PIGN: variants seen among roughly 807,000 people sequenced by gnomAD.
PIGN encodes the protein phosphatidylinositol glycan anchor biosynthesis class N.
Under a neutral mutation model 125.4 loss-of-function variants are expected in PIGN, and 117 were observed. The ratio of observed to expected loss-of-function variants is 0.93; its 90% CI spans 0.80 to 1.09. The LOEUF (loss-of-function observed/expected upper bound fraction) is 1.09, where lower values mean the gene tolerates loss of function less well. Ranked by LOEUF, PIGN falls within the 50% of genes least tolerant of loss-of-function variation. PIGN has a pLI of 0.00. For missense variants in PIGN, 1,075 were observed against 1,094.9 expected, an observed-to-expected ratio of 0.98 and a Z score of 0.26; for synonymous variants, 392 against 377.8, an observed-to-expected ratio of 1.04 and a Z score of -0.44.
chr18:62,059,425 G>T (rs1188632000), intron 30 of PIGN, among the ~76,000 whole-genome samples: 3 of 151,956 alleles, frequency 2.0e-5, no homozygotes, highest in Non-Finnish European at 2.9e-5. Flanking sequence ...TTATAGAAAG[G>T]ATAAACAGAA....
chr18:62,068,392 C>G (rs949744910), intron 30 of PIGN, among the ~76,000 whole-genome samples: 7 of 152,172 alleles, frequency 4.6e-5, no homozygotes, highest in Admixed American at 4.6e-4. Context: ...TATCTATCTT[C>G]TAGAAATTTG....
chr18:62,077,396 AC>A (rs2033228944), intron 28 of PIGN, among the ~76,000 whole-genome samples: 1 of 152,080 alleles, frequency 6.6e-6, no homozygotes, highest in African/African-American at 2.4e-5. Context: ...AAACAAACAA[AC>A]AAAACCTTTA....
intron 30 of PIGN, among the ~76,000 whole-genome samples, chr18:62,050,604 A>C (rs1053631087): frequency 3.8e-4 from 57 of 151,752 alleles, no homozygotes; most frequent in African/African-American, 1.4e-3. Context: ...TTTTGGGCTG[A>C]GACAGTGGGG....
intron 14 of PIGN, among the ~76,000 whole-genome samples, chr18:62,129,649 T>C (rs1056398269): frequency 2.0e-5 from 3 of 151,856 alleles, no homozygotes; most frequent in African/African-American, 7.3e-5. Context: ...ATGTTCCCAT[T>C]AGACTTTGTG....
intron 30 of PIGN, among the ~76,000 whole-genome samples, chr18:62,068,098 C>CTTTGTTTG (rs3838901): frequency 2.0e-5 from 3 of 151,216 alleles, no homozygotes; most frequent in South Asian, 2.1e-4. Context: ...CCTCCCAGGT[C>CTTTGTTTG]TTTGTTTGTT....
In PIGN at chr18:62,043,023, G is replaced by A. The variant is rs1032360620; in HGVS notation, c.*2833C>T. On this transcript the variant is annotated 3_prime_UTR_variant, in exon 31 of 31. Transcript: ENST00000640252. ...AGCACACAGCATAACAATCATTAATGCTTTGAAGCATTTTAAAAACAGTAA... is the reference window on the plus strand; with the variant it reads ...AGCACACAGCATAACAATCATTAATACTTTGAAGCATTTTAAAAACAGTAA... The A allele has an allele frequency of 3.8e-4, 58 of 151,964 alleles. No individual in the cohort carries two copies. Among genetic ancestry groups the A allele is most frequent in the African/African-American group, 1.4e-3 (56 of 41,372 alleles). The allele number at this position is 151,964 out of a possible 1,614,324, so 9.4% of individuals were successfully genotyped here. A position where few individuals can be genotyped will look rare whatever the true frequency, so the allele number is the denominator to read the frequency against.
chr18:62,145,011 G>C (rs568102317), intron 10 of PIGN, among the ~76,000 whole-genome samples: 285 of 4,514 alleles, frequency 0.063, 1 homozygote, highest in African/African-American at 0.2. Context: ...AAACTGGCGG[G>C]GGGGGGGGGG....
intron 1 of PIGN, among the ~76,000 whole-genome samples, chr18:62,166,807 A>C (rs1413272573): frequency 6.6e-6 from 1 of 152,228 alleles, no homozygotes; most frequent in Non-Finnish European, 1.5e-5. Context: ...ACAGGAACAC[A>C]AAAACAAATA....
chr18:62,184,979 C>G (rs1426231680), intron 1 of PIGN, among the ~76,000 whole-genome samples: 2 of 152,182 alleles, frequency 1.3e-5, no homozygotes, highest in Admixed American at 1.3e-4. Flanking sequence ...AGTTAGGTAA[C>G]TTTTTCAAGG....
chr18:62,052,346 T>G (rs2145165108), intron 30 of PIGN: 1 of 151,152 alleles, frequency 6.6e-6, no homozygotes, highest in Admixed American at 6.6e-5. Flanking sequence ...TAAGTCTCTT[T>G]GTAGGTCACT....
intron 30 of PIGN, among the ~76,000 whole-genome samples, chr18:62,063,659 T>A (rs1368905200): frequency 6.7e-6 from 1 of 149,020 alleles, no homozygotes; most frequent in Non-Finnish European, 1.5e-5. Flanking sequence ...AGGTATAATT[T>A]CAATTAGGGG....
In PIGN at chr18:62,055,590, A is replaced by C. The variant is rs569612808; in HGVS notation, c.2673-9611T>G. 3.9e-5 allele frequency among the ~76,000 whole-genome samples: 6 copies of C among 152,306 alleles called. No homozygotes were observed. The South Asian group carries it at 1.2e-3, about 32-fold the overall frequency. ...GTCTTTTGACAGTTTCAATGTCAAC[A>C]TCCTGGTTTTACTATATGTTATACT... On this transcript the variant is annotated intron_variant, in intron 30 of 30. Transcript: ENST00000640252.
intron 14 of PIGN, among the ~76,000 whole-genome samples, chr18:62,122,610 T>C (rs1285530650): frequency 6.6e-6 from 1 of 152,136 alleles, no homozygotes; most frequent in African/African-American, 2.4e-5. Flanking sequence ...AACTACATAA[T>C]TTAATATGGT....
At chr18:62,132,723 A>G (rs550316482) in intron 14 of PIGN, among the ~76,000 whole-genome samples, 1 of 152,146 alleles carries the variant, frequency 6.6e-6, no homozygotes, top group Non-Finnish European at 1.5e-5. Flanking sequence ...ATGCTAGCTA[A>G]TATCTTTTCC....
chr18:62,110,391 C>A (rs1236443545), intron 16 of PIGN, among the ~76,000 whole-genome samples: 1 of 152,150 alleles, frequency 6.6e-6, no homozygotes, highest in Non-Finnish European at 1.5e-5. Context: ...TCTATTCAAG[C>A]TCCAATGTGA....
chr18:62,138,062 A>G, intron 14 of PIGN, 181 bp downstream of exon 14: 1 of 812,468 alleles, frequency 1.2e-6, no homozygotes, highest in Non-Finnish European at 1.9e-6. Flanking sequence ...ATTCAAAGTT[A>G]TCTAGCACCT....
At chr18:62,123,875 C>A (rs62095335) in intron 14 of PIGN, among the ~76,000 whole-genome samples, 25,642 of 151,474 alleles carry the variant, frequency 0.17, 2,913 homozygotes, top group Middle Eastern at 0.29. Context: ...AGAAGATCCA[C>A]TAATTTTATC....
chr18:62,045,677 G>GAAAAAAAAAAGAAGCTGA lies in PIGN; in HGVS notation c.*178_*179insTCAGCTTCTTTTTTTTTT. On this transcript the variant is annotated 3_prime_UTR_variant, in exon 31 of 31. Transcript: ENST00000640252. ...CACTATTTCATGCCTGCAAAACCTA[G>GAAAAAAAAAAGAAGCTGA]AAAAAAAAAGAAGCTCCTTTGTTCC... 2.2e-6 allele frequency: 1 copy of GAAAAAAAAAAGAAGCTGA among 459,410 alleles called. No individual in the cohort carries two copies. Among genetic ancestry groups the GAAAAAAAAAAGAAGCTGA allele is most frequent in the Non-Finnish European group, 3.7e-6 (1 of 266,880 alleles). 28.5% of individuals were successfully genotyped at this position (459,410 alleles called of 1,614,324 possible).
At chr18:62,096,560 T>C (rs533860027) in intron 22 of PIGN, among the ~76,000 whole-genome samples, 1,471 of 120,294 alleles carry the variant, frequency 0.012, 43 homozygotes, top group African/African-American at 0.045. Flanking sequence ...CTCTAAGTTT[T>C]AGGGTACATG....
Sources: allele counts gnomAD v4.1 joint callset (sites outside exome capture counted in the v4.1 genomes callset), GRCh38; gene constraint gnomAD v4.1.1; transcripts MANE v1.5; gene names NCBI Gene and HGNC (gene_info 2026-07-23, HGNC 2026-07-21).